Variants in CALD1 observed in about 807,000 individuals in gnomAD.
CALD1 encodes the protein caldesmon 1.
In CALD1, 33 loss-of-function variants were observed where a neutral mutation model predicts 99.9. The observed-to-expected ratio is 0.33, with a 90% CI of 0.25 to 0.44. The LOEUF (loss-of-function observed/expected upper bound fraction) is 0.44, where lower values mean the gene tolerates loss of function less well. Ranked by LOEUF, CALD1 falls within the 20% of genes least tolerant of loss-of-function variation. The pLI is 1.00. For synonymous variants in CALD1, 310 were observed against 325.0 expected, an observed-to-expected ratio of 0.95 and a Z score of 0.50; for missense variants, 861 against 962.1, an observed-to-expected ratio of 0.89 and a Z score of 1.39.
chr7:134,793,144 G>A (rs926959281), intron 1 of CALD1, among the ~76,000 whole-genome samples: 6 of 152,186 alleles, frequency 3.9e-5, no homozygotes, highest in Admixed American at 2.6e-4. Flanking sequence ...GGAGGCAGGC[G>A]CTGAGAGGGG....
chr7:134,751,033 T>C (rs528360611), intron 1 of CALD1, among the ~76,000 whole-genome samples: 1 of 152,354 alleles, frequency 6.6e-6, no homozygotes, highest in East Asian at 1.9e-4. Context: ...CACATTATGG[T>C]GTAACCTCAA....
At chr7:134,802,033 G>A (rs1797963739) in intron 1 of CALD1, among the ~76,000 whole-genome samples, 1 of 152,010 alleles carries the variant, frequency 6.6e-6, no homozygotes, top group Non-Finnish European at 1.5e-5. Context: ...TTTTGTAACT[G>A]AAGTAAAAAA....
At chr7:134,782,081 T>C (rs1258524454) in intron 1 of CALD1, among the ~76,000 whole-genome samples, 1 of 152,200 alleles carries the variant, frequency 6.6e-6, no homozygotes, top group Non-Finnish European at 1.5e-5. Flanking sequence ...TCAGCAGGCA[T>C]TTTTGTAGAA....
chr7:134,837,495 A>G (rs1799493194), intron 1 of CALD1, among the ~76,000 whole-genome samples: 3 of 152,024 alleles, frequency 2.0e-5, no homozygotes, highest in Admixed American at 6.6e-5. Flanking sequence ...GGCGCACACC[A>G]CCACACTGGC....
At chr7:134,820,313 A>C (rs919993464) in intron 1 of CALD1, among the ~76,000 whole-genome samples, 32 of 152,202 alleles carry the variant, frequency 2.1e-4, no homozygotes, top group Non-Finnish European at 2.9e-5. Flanking sequence ...TTACTCCTGA[A>C]TCTGTTGGTT....
chr7:134,765,876 C>T (rs1471591502), intron 1 of CALD1, among the ~76,000 whole-genome samples: 2 of 152,162 alleles, frequency 1.3e-5, no homozygotes, highest in African/African-American at 4.8e-5. Flanking sequence ...TGATTTAGCA[C>T]CATCTTCTTA....
At chr7:134,915,672 C>G (rs1804153117) in intron 3 of CALD1, among the ~76,000 whole-genome samples, 1 of 152,212 alleles carries the variant, frequency 6.6e-6, no homozygotes, top group African/African-American at 2.4e-5. Context: ...GTTGGTGATT[C>G]TAACTCAATT....
the CALD1 span, among the ~76,000 whole-genome samples, chr7:134,720,453 G>A: frequency 6.6e-6 from 1 of 152,114 alleles, no homozygotes; most frequent in Non-Finnish European, 1.5e-5. Flanking sequence ...GTCCTCATTA[G>A]TAACTTCTTT....
chr7:134,915,323 A>T (rs1288965959), intron 3 of CALD1, among the ~76,000 whole-genome samples: 1 of 152,248 alleles, frequency 6.6e-6, no homozygotes, highest in Non-Finnish European at 1.5e-5. Context: ...ATACCAGATT[A>T]GCAACCCATA....
intron 9 of CALD1, among the ~76,000 whole-genome samples, chr7:134,954,380 C>G (rs576947976): frequency 6.8e-4 from 104 of 152,118 alleles, no homozygotes; most frequent in Admixed American, 1.4e-3. Context: ...CAAGTTTTAT[C>G]GAGACAATAC....
chr7:134,891,318 G>A lies in CALD1; in HGVS notation c.71+23514G>A, dbSNP rs924083130. ...ACTCCCGAAGCAATCAGTGCTCTCT[G>A]ATCGCTAAACATGATGGGCTTCTAT... On this transcript the variant is annotated intron_variant, in intron 3 of 14. Transcript: ENST00000361675. 1.9e-5 allele frequency: 21 copies of A among 1,095,140 alleles called. No homozygotes were observed. The African/African-American group carries it at 2.8e-4, about 14-fold the overall frequency. 67.8% of individuals were successfully genotyped at this position (1,095,140 alleles called of 1,614,324 possible).
chr7:134,787,586 T>C (rs1797355295), intron 1 of CALD1, among the ~76,000 whole-genome samples: 2 of 152,188 alleles, frequency 1.3e-5, no homozygotes, highest in Non-Finnish European at 2.9e-5. Flanking sequence ...CTGGTTTAGA[T>C]GCTTCCCTGG....
intron 13 of CALD1, 151 bp from the exon 14 acceptor site, chr7:134,965,153 GAT>G (rs1808576907): frequency 2.9e-5 from 18 of 613,530 alleles, no homozygotes; most frequent in South Asian, 2.9e-4. Flanking sequence ...AACAACAGCT[GAT>G]GGTCCTTTCA....
the CALD1 span, among the ~76,000 whole-genome samples, chr7:134,716,032 T>C: frequency 1.3e-5 from 2 of 152,212 alleles, no homozygotes; most frequent in African/African-American, 2.4e-5. Context: ...TATGTATACA[T>C]GTGCCATGCT....
At chr7:134,937,121 TG>T (rs572548400) in intron 6 of CALD1, among the ~76,000 whole-genome samples, 6 of 152,176 alleles carry the variant, frequency 3.9e-5, no homozygotes, top group Non-Finnish European at 8.8e-5. Context: ...ATTAAACACA[TG>T]GGGGAAGGGA....
At chr7:134,853,407 A>G (rs1327262688) in intron 2 of CALD1, among the ~76,000 whole-genome samples, 1 of 152,158 alleles carries the variant, frequency 6.6e-6, no homozygotes, top group Non-Finnish European at 1.5e-5. Flanking sequence ...GTATGAATTC[A>G]TGTCTCTATA....
At chr7:134,945,243 T>C (rs1806765296) in intron 7 of CALD1, among the ~76,000 whole-genome samples, 1 of 152,196 alleles carries the variant, frequency 6.6e-6, no homozygotes, top group Non-Finnish European at 1.5e-5. Context: ...TTATAAGCTG[T>C]TCTACCTGAT....
chr7:134,799,602 G>T (rs1410815341), intron 1 of CALD1, among the ~76,000 whole-genome samples: 5 of 152,180 alleles, frequency 3.3e-5, no homozygotes, highest in African/African-American at 1.2e-4. Flanking sequence ...AGAACATGTT[G>T]TACCAGGGAT....
At chr7:134,939,605 G>GA (rs1806267777) in intron 6 of CALD1, among the ~76,000 whole-genome samples, 1 of 152,002 alleles carries the variant, frequency 6.6e-6, no homozygotes, top group African/African-American at 2.4e-5. Flanking sequence ...AATACCCAAA[G>GA]AAGACAATCA....
Sources: allele counts gnomAD v4.1 joint callset (sites outside exome capture counted in the v4.1 genomes callset), GRCh38; gene constraint gnomAD v4.1.1; transcripts MANE v1.5; gene names NCBI Gene and HGNC (gene_info 2026-07-23, HGNC 2026-07-21).